ARHGAP21: variants seen among roughly 807,000 people sequenced by gnomAD.
The protein encoded by ARHGAP21 is Rho GTPase activating protein 21.
Under a neutral mutation model 164.6 loss-of-function variants are expected in ARHGAP21, and 38 were observed. That is an observed-to-expected ratio of 0.23 (90% CI 0.18 to 0.30). The LOEUF (loss-of-function observed/expected upper bound fraction) is 0.30. Among genes scored for constraint, ARHGAP21 ranks in the 10% least tolerant of loss-of-function variants. The pLI is 1.00. For missense variants in ARHGAP21, 1,822 were observed against 2,370.7 expected, an observed-to-expected ratio of 0.77 and a Z score of 4.81; for synonymous variants, 766 against 857.9, an observed-to-expected ratio of 0.89 and a Z score of 1.87.
At position 24,625,299 on chromosome 10, in the gene ARHGAP21, GAA is replaced by G. The variant is rs34935501; in HGVS notation, c.496-2539_496-2538del. ...TAAATGGTAAACAAAATGAAACAGA[GAA>G]AAAAAAAAAAAAAAAAAAAAAACCT... On this transcript the variant is annotated intron_variant, in intron 7 of 25. Coordinates refer to ENST00000396432, the MANE Select transcript of ARHGAP21 (RefSeq NM_020824.4). Among the ~76,000 whole-genome samples, 8 of 53,802 alleles carry G rather than the reference GAA, an allele frequency of 1.5e-4. 1 individual carries two copies. Among genetic ancestry groups the G allele is most frequent in the East Asian group, 6.3e-4 (1 of 1,586 alleles). The allele number at this position is 53,802 out of a possible 152,430, so 35.3% of individuals were successfully genotyped here. A position where few individuals can be genotyped will look rare whatever the true frequency, so the allele number is the denominator to read the frequency against.
intron 9 of ARHGAP21, among the ~76,000 whole-genome samples, chr10:24,617,906 T>C (rs1025807290): frequency 6.6e-6 from 1 of 151,998 alleles, no homozygotes; most frequent in Non-Finnish European, 1.5e-5. Context: ...CCTTGGTTGG[T>C]GGCAAAAAGA....
intron 25 of ARHGAP21, 142 bp downstream of exon 25, chr10:24,589,129 G>T: frequency 1.3e-6 from 1 of 762,068 alleles, no homozygotes. Context: ...ATCATATATT[G>T]TTTTAGGAAT....
At chr10:24,677,380 G>T (rs1391512721) in intron 2 of ARHGAP21, among the ~76,000 whole-genome samples, 3 of 152,178 alleles carry the variant, frequency 2.0e-5, no homozygotes, top group Non-Finnish European at 2.9e-5. Flanking sequence ...AAATAATGGA[G>T]CATTGGAAAA....
At chr10:24,619,439 T>G in intron 9 of ARHGAP21, 34 bp downstream of exon 9, 1 of 1,561,216 alleles carries the variant, frequency 6.4e-7, no homozygotes, top group Non-Finnish European at 8.7e-7. Context: ...CTTATACATT[T>G]GGCATATTAG....
At chr10:24,628,665 G>A (rs1835377043) in intron 7 of ARHGAP21, among the ~76,000 whole-genome samples, 1 of 151,330 alleles carries the variant, frequency 6.6e-6, no homozygotes, top group Non-Finnish European at 1.5e-5. Context: ...TCTGTTAGTT[G>A]TAAGTATGTT....
intron 13 of ARHGAP21, 99 bp from the exon 14 acceptor site, chr10:24,601,029 T>C (rs758098010): frequency 2.0e-4 from 280 of 1,371,712 alleles, no homozygotes; most frequent in Middle Eastern, 3.7e-4. Context: ...CATTTACATA[T>C]AACTAGTGTA....
chr10:24,590,352 A>T (rs10734053), intron 24 of ARHGAP21: 4 of 1,535,376 alleles, frequency 2.6e-6, no homozygotes, highest in Admixed American at 2.0e-5. Context: ...AGAATCGGGG[A>T]TTTCTGCAGA....
intron 14 of ARHGAP21, 121 bp from the exon 15 acceptor site, chr10:24,598,130 T>C (rs2076661368): frequency 1.4e-6 from 1 of 721,972 alleles, no homozygotes; most frequent in Non-Finnish European, 2.2e-6. Flanking sequence ...TCATCTGTTC[T>C]CAGTGGAGCT....
chr10:24,651,153 CTG>C (rs1339179466), intron 4 of ARHGAP21, among the ~76,000 whole-genome samples: 2 of 152,202 alleles, frequency 1.3e-5, no homozygotes, highest in South Asian at 2.1e-4. Context: ...GAGGGGAAGA[CTG>C]TGACTGACAG....
At chr10:24,713,217 T>C (rs922942322) in intron 2 of ARHGAP21, among the ~76,000 whole-genome samples, 2 of 152,148 alleles carry the variant, frequency 1.3e-5, no homozygotes, top group Non-Finnish European at 2.9e-5. Flanking sequence ...CTTCCTTAGG[T>C]TGTACGAAGG....
In ARHGAP21 at chr10:24,659,680, T is replaced by G. The variant is rs564748351; in HGVS notation, c.268+7305A>C. ...TGAGAGTAAAGAACTTTCTTTTTTT[T>G]GTTTTGTAGATAGAGATCTTGCTAT... On this transcript the variant is annotated intron_variant, in intron 4 of 25. Transcript: ENST00000396432. Among the ~76,000 whole-genome samples the G allele has an allele frequency of 6.6e-5, 10 of 152,366 alleles. No individual in the cohort carries two copies. In the South Asian group the frequency reaches 1.7e-3, roughly 25 times the overall value.
intron 14 of ARHGAP21, 36 bp from the exon 15 acceptor site, chr10:24,598,045 A>T: frequency 6.5e-7 from 1 of 1,543,464 alleles, no homozygotes; most frequent in East Asian, 2.2e-5. Context: ...ATCAATTCTA[A>T]ACATAAATAA....
intron 4 of ARHGAP21, among the ~76,000 whole-genome samples, chr10:24,645,482 G>A (rs1442410835): frequency 6.6e-6 from 1 of 151,938 alleles, no homozygotes. Flanking sequence ...TACTAGGGAG[G>A]CTAAGGCAGG....
Position 24,620,828 on chromosome 10 carries a change from T to A in ARHGAP21, c.1067A>T (p.Asp356Val), listed in dbSNP as rs1267816551. The change falls in exon 9 of 26, where the codon GAT becomes GTT. Residue 356 changes from aspartate to valine, a missense_variant. Asp to Val is a radical substitution (Grantham distance 152). Transcript: ENST00000396432. ...TTGAGATCTGCTGCTTGAGATTCCA[T>A]CAGAATGTCCACTGTAATTTCCAGA... ...LKSGNYSGHS[D>V]GISSSRSQAV... The A allele has an allele frequency of 6.2e-7, 1 of 1,614,108 alleles. No individual in the cohort carries two copies. The highest frequency in any genetic ancestry group is 1.1e-5 in the South Asian group (1 of 91,078).
chr10:24,617,621 C>A (rs927295565), intron 9 of ARHGAP21, among the ~76,000 whole-genome samples: 52 of 151,696 alleles, frequency 3.4e-4, no homozygotes, highest in African/African-American at 1.3e-3. Flanking sequence ...TAAAAAAAAA[C>A]ATAAGCTGTG....
chr10:24,700,056 A>G (rs536212266), intron 2 of ARHGAP21, among the ~76,000 whole-genome samples: 62 of 152,260 alleles, frequency 4.1e-4, no homozygotes, highest in African/African-American at 1.5e-3. Context: ...TGGTTCTCCA[A>G]TACTGCTGGT....
intron 4 of ARHGAP21, among the ~76,000 whole-genome samples, chr10:24,643,933 G>C (rs1837319706): frequency 6.6e-6 from 1 of 151,990 alleles, no homozygotes; most frequent in South Asian, 2.1e-4. Context: ...GGTTGATCTC[G>C]AACTGACTTC....
intron 4 of ARHGAP21, among the ~76,000 whole-genome samples, chr10:24,649,357 T>C (rs1359490829): frequency 1.3e-5 from 2 of 152,216 alleles, no homozygotes; most frequent in Admixed American, 1.3e-4. Flanking sequence ...TTTAAGGACT[T>C]TTCTACCCAG....
chr10:24,659,502 A>G (rs1426363244), intron 4 of ARHGAP21, among the ~76,000 whole-genome samples: 1 of 152,062 alleles, frequency 6.6e-6, no homozygotes, highest in Admixed American at 6.6e-5. Flanking sequence ...TTTAGTAGAG[A>G]TAGGGTTTCT....
Sources: allele counts gnomAD v4.1 joint callset (sites outside exome capture counted in the v4.1 genomes callset), GRCh38; gene constraint gnomAD v4.1.1; transcripts MANE v1.5; gene names NCBI Gene and HGNC (gene_info 2026-07-23, HGNC 2026-07-21).